Variants in CHD5 observed in about 807,000 individuals in gnomAD.
CHD5 encodes the protein chromodomain helicase DNA binding protein 5.
Under a neutral mutation model 230.3 loss-of-function variants are expected in CHD5, and 69 were observed. That is an observed-to-expected ratio of 0.30 (90% confidence interval 0.25 to 0.37). The LOEUF (loss-of-function observed/expected upper bound fraction) is 0.37. Ranked by LOEUF, CHD5 falls within the 10% of genes least tolerant of loss-of-function variation. The probability of loss-of-function intolerance (pLI) is 1.00; values close to 1 mark genes in which losing one functional copy is unlikely to be tolerated. For missense variants in CHD5, 1,827 were observed against 2,622.8 expected (o/e 0.70, Z 6.63); for synonymous variants, 1,064 against 1,065.9 (o/e 1.00, Z 0.03).
intron 1 of CHD5, among the ~76,000 whole-genome samples, chr1:6,175,830 CATGGATGG>C (rs1347028500): frequency 8.3e-6 from 1 of 120,486 alleles, no homozygotes; most frequent in African/African-American, 3.2e-5. Context: ...TACATGGATG[CATGGATGG>C]ATGGATGGAT....
intron 15 of CHD5, among the ~76,000 whole-genome samples, chr1:6,140,949 G>A (rs1296371750): frequency 7.4e-6 from 1 of 135,122 alleles, no homozygotes; most frequent in Non-Finnish European, 1.6e-5. Context: ...CTGGGTGACA[G>A]AGCGAGACCC....
chr1:6,164,409 T>A (rs1198845865), intron 2 of CHD5, among the ~76,000 whole-genome samples: 2 of 152,166 alleles, frequency 1.3e-5, no homozygotes, highest in African/African-American at 4.8e-5. Context: ...TGAAATCATT[T>A]CTCCCTCCTG....
chr1:6,135,128 A>G, intron 18 of CHD5, 102 bp downstream of exon 18: 1 of 1,351,278 alleles, frequency 7.4e-7, no homozygotes, highest in African/African-American at 1.4e-5. Flanking sequence ...CCGAGACCTC[A>G]GTGAGGCTGA....
chr1:6,128,710 G>T lies in CHD5; in HGVS notation c.3620-101C>A. ...CCACCCTGGGCTGTCCTAGCCAGGA[G>T]ATACAGGTGGGGGGTGCAGAAGAGA... On this transcript the variant is annotated intron_variant, in intron 23 of 41. Coordinates refer to ENST00000262450, the MANE Select transcript of CHD5 (RefSeq NM_015557.3). The surrounding 1 kb of genome is among the most constrained non-coding windows in gnomAD (Gnocchi z 7.8). The T allele has an allele frequency of 7.8e-7, 1 of 1,275,600 alleles. No homozygotes were observed. Among genetic ancestry groups the T allele is most frequent in the Non-Finnish European group, 1.1e-6 (1 of 890,558 alleles). The allele number at this position is 1,275,600 out of a possible 1,614,324, so 79.0% of individuals were successfully genotyped here.
At chr1:6,152,858 C>T (rs1355305940) in intron 5 of CHD5, among the ~76,000 whole-genome samples, 1 of 152,224 alleles carries the variant, frequency 6.6e-6, no homozygotes, top group Non-Finnish European at 1.5e-5. Flanking sequence ...CACTAGCCAT[C>T]CCCCACAGCC....
At chr1:6,163,480 T>C (rs571160177) in intron 2 of CHD5, among the ~76,000 whole-genome samples, 5 of 152,300 alleles carry the variant, frequency 3.3e-5, no homozygotes, top group African/African-American at 1.2e-4. Context: ...GGCAGAACCC[T>C]GCATCCAGCT....
chr1:6,148,799 G>A (rs1226368845), intron 9 of CHD5, 55 bp downstream of exon 9: 36 of 1,412,508 alleles, frequency 2.5e-5, no homozygotes, highest in East Asian at 1.9e-4. Flanking sequence ...CTGGGGGCGG[G>A]GCCTGTTCCT....
intron 1 of CHD5, among the ~76,000 whole-genome samples, chr1:6,170,800 G>A (rs1667325709): frequency 6.6e-6 from 1 of 152,216 alleles, no homozygotes; most frequent in African/African-American, 2.4e-5. Context: ...ACGTGCACGG[G>A]GACCCCCTCG....
chr1:6,121,742 C>T lies in CHD5; in HGVS notation c.4700-169G>A, dbSNP rs1274270531. On this transcript the variant is annotated intron_variant, in intron 31 of 41. Transcript: ENST00000262450. The surrounding 1 kb of genome is among the most constrained non-coding windows in gnomAD (Gnocchi z 4.5). ...GGATCCCCGGCTAAGTCAGAGAGGC[C>T]AGGCCAGGCCTTTGACTCAGGAGTG... Among the ~76,000 whole-genome samples, 1 of 152,152 alleles carries T rather than the reference C, an allele frequency of 6.6e-6. No homozygotes were observed. Among genetic ancestry groups the T allele is most frequent in the East Asian group, 1.9e-4 (1 of 5,188 alleles).
Position 6,154,979 on chromosome 1 carries a change from T to A in CHD5, c.507-81A>T. On this transcript the variant is annotated intron_variant, in intron 4 of 41. Coordinates refer to ENST00000262450, the MANE Select transcript of CHD5 (RefSeq NM_015557.3). The surrounding 1 kb of genome is among the most constrained non-coding windows in gnomAD (Gnocchi z 7.0). ...CCCGACCCCCGGCAGGGCCCACCCC[T>A]CTGCCACATGTGCGATCTATGGCAG... The A allele has an allele frequency of 4.0e-6, 5 of 1,256,356 alleles. No homozygotes were observed. Among genetic ancestry groups the A allele is most frequent in the Middle Eastern group, 2.2e-4 (1 of 4,496 alleles). 77.8% of individuals were successfully genotyped at this position (1,256,356 alleles called of 1,614,324 possible).
At position 6,146,786 on chromosome 1, in the gene CHD5, C is replaced by T. The variant is rs1453888976; in HGVS notation, c.1469G>A (p.Gly490Glu). The T allele has an allele frequency of 6.3e-7, 1 of 1,597,064 alleles. No individual in the cohort carries two copies. ...PPAPFMVGLPGPDVEPSLPPP... is the reference protein window; with the variant it reads ...PPAPFMVGLPEPDVEPSLPPP... ...AGGGAGGCTGGGCTCCACGTCAGGC[C>T]CCGGCAGCCCCACCATGAAGGGGGC... The change falls in exon 10 of 42, where the codon GGG becomes GAG. Residue 490 changes from glycine to glutamate, a missense_variant. Transcript: ENST00000262450. This position sits in a 1 kb window ranked among gnomAD's most constrained non-coding sequence, Gnocchi z 5.1.
chr1:6,179,336 GCA>G (rs1243566715), intron 1 of CHD5, among the ~76,000 whole-genome samples: 1 of 152,118 alleles, frequency 6.6e-6, no homozygotes, highest in African/African-American at 2.4e-5. Context: ...CGGTCACAGC[GCA>G]CAGAGGCCAG....
intron 38 of CHD5, among the ~76,000 whole-genome samples, chr1:6,107,443 G>A (rs2100827544): frequency 7.6e-6 from 1 of 130,792 alleles, no homozygotes. Flanking sequence ...GGAATGAAGG[G>A]ATGAGGGAGG....
rs139155098 is a variant in CHD5 at position 6,177,976 on chromosome 1, G to A, written c.79+1969C>T. On this transcript the variant is annotated intron_variant, in intron 1 of 41. Coordinates refer to ENST00000262450, the MANE Select transcript of CHD5 (RefSeq NM_015557.3). ...GCTGCTGTGCAGTGGGTGGTCAGAA[G>A]GAGTGGGTAGAAGGCCCTGGAGGGG... is the stretch of plus-strand genomic sequence containing the variant. Among the ~76,000 whole-genome samples the A allele has an allele frequency of 6.2e-3, 945 of 152,280 alleles. 5 individuals carry two copies. The highest frequency in any genetic ancestry group is 0.016 in the South Asian group (76 of 4,820).
In CHD5 at chr1:6,106,292, C is replaced by T. The variant is rs1666163784; in HGVS notation, c.5858-5G>A. 3 of 1,612,710 alleles carry T rather than the reference C, an allele frequency of 1.9e-6. No individual in the cohort carries two copies. The East Asian group carries it at 6.7e-5, about 36-fold the overall frequency. ...GTCTCGAGGACGGCTAGATATCTGT[C>T]AAAAAAAGAGGAGAGCCGGGCTTGC... On this transcript the variant is annotated splice_polypyrimidine_tract_variant and splice_region_variant and intron_variant, in intron 40 of 41. Coordinates refer to ENST00000262450, the MANE Select transcript of CHD5 (RefSeq NM_015557.3).
rs1461774481 is a variant in CHD5, at chr1:6,142,396, C to A, written c.2235+18G>T. The A allele has an allele frequency of 4.4e-6, 7 of 1,597,986 alleles. 1 individual carries two copies. The South Asian group carries it at 7.8e-5, about 18-fold the overall frequency. On this transcript the variant is annotated intron_variant, in intron 14 of 41. Transcript: ENST00000262450. The surrounding 1 kb of genome is among the most constrained non-coding windows in gnomAD (Gnocchi z 5.2). ...CAGGACCAGCCACCCCTCCTGGCCG[C>A]CTGCCCCGCCTGCCCACCTCCTTGT...
In CHD5 at chr1:6,121,453, C is replaced by T. The variant is rs777780854; in HGVS notation, c.4779+41G>A. ...GAAGGTCCCCAGACCCAACCTCCAC[C>T]CCACACACACCACAGGCCCAGACGC... On this transcript the variant is annotated intron_variant, in intron 32 of 41. Transcript: ENST00000262450. The surrounding 1 kb of genome is among the most constrained non-coding windows in gnomAD (Gnocchi z 4.5). 1 of 1,572,200 alleles carries T rather than the reference C, an allele frequency of 6.4e-7. No individual in the cohort carries two copies. The highest frequency in any genetic ancestry group is 1.3e-5 in the African/African-American group (1 of 74,306).
rs755109010 is a variant in CHD5, at chr1:6,149,278, C to A, written c.1129G>T (p.Ala377Ser). The change falls in exon 8 of 42, where the codon GCT (alanine) becomes TCT (serine). Residue 377 changes from alanine to serine, a missense_variant. Physicochemically the swap from Ala to Ser is moderately conservative, Grantham distance 99. Transcript: ENST00000262450. ...LVCLDPELEK[A>S]PEGKWSCPHC... Reference sequence around the variant, plus strand: ...GGGCAGCTCCACTTGCCCTCGGGAGCCTTCTCCAGCTCTGGGTCCAGGCAT... The same window carrying A: ...GGGCAGCTCCACTTGCCCTCGGGAGACTTCTCCAGCTCTGGGTCCAGGCAT... 6.2e-7 allele frequency: 1 copy of A among 1,611,238 alleles called. No individual in the cohort carries two copies. Among genetic ancestry groups the A allele is most frequent in the Non-Finnish European group, 8.5e-7 (1 of 1,178,772 alleles).
chr1:6,146,821 C>A lies in CHD5; in HGVS notation c.1434G>T (p.Thr478=). 1 of 1,569,430 alleles carries A rather than the reference C, an allele frequency of 6.4e-7. No individual in the cohort carries two copies. Among genetic ancestry groups the A allele is most frequent in the Middle Eastern group, 1.7e-4 (1 of 5,778 alleles). ...CCACCATGAAGGGGGCAGGGGGCTC[C>A]GTCCACCTCCAGTGTAGAATCCGCT... ...KVQRILHWRW[T]EPPAPFMVGL... The change falls in exon 10 of 42, where the codon ACG becomes ACT. Residue 478 remains threonine, a synonymous_variant. Transcript: ENST00000262450. This position sits in a 1 kb window ranked among gnomAD's most constrained non-coding sequence, Gnocchi z 5.1.
Sources: gnomAD v4.1 joint callset for allele counts (sites outside exome capture counted in the v4.1 genomes callset) on GRCh38, gnomAD v4.1.1 for gene constraint, Gnocchi (gnomAD v3.1) non-coding constraint, MANE v1.5 for transcripts, NCBI Gene and HGNC (gene_info 2026-07-23, HGNC 2026-07-21) for gene names.